The following ZFPM2 variants were observed in gnomAD, a reference collection of about 807,000 sequenced individuals.
The protein encoded by ZFPM2 is zinc finger protein, FOG family member 2.
A neutral mutation model predicts 98.6 loss-of-function variants in ZFPM2; 20 were observed. That is an observed-to-expected ratio of 0.20 (90% CI 0.14 to 0.29). The LOEUF (loss-of-function observed/expected upper bound fraction) is 0.29, where lower values mean the gene tolerates loss of function less well. Among genes scored for constraint, ZFPM2 ranks in the 10% least tolerant of loss-of-function variants. The probability of loss-of-function intolerance (pLI) is 1.00; values close to 1 mark genes in which losing one functional copy is unlikely to be tolerated. For synonymous variants in ZFPM2, 518 were observed against 502.7 expected, an observed-to-expected ratio of 1.03 and a Z score of -0.41; for missense variants, 1,310 against 1,388.6, an observed-to-expected ratio of 0.94 and a Z score of 0.90.
intron 5 of ZFPM2, among the ~76,000 whole-genome samples, chr8:105,659,878 GT>G (rs977637678): frequency 3.3e-5 from 5 of 152,038 alleles, no homozygotes; most frequent in African/African-American, 1.2e-4. Context: ...ATAAATAATA[GT>G]TTTTTTCAAA....
At chr8:105,369,099 G>A (rs978685801) in intron 1 of ZFPM2, among the ~76,000 whole-genome samples, 2 of 152,036 alleles carry the variant, frequency 1.3e-5, no homozygotes. Context: ...CACACATGAA[G>A]GAGCCCATTA....
intron 1 of ZFPM2, among the ~76,000 whole-genome samples, chr8:105,376,237 A>G (rs1810722831): frequency 1.3e-5 from 2 of 152,106 alleles, no homozygotes; most frequent in South Asian, 2.1e-4. Context: ...GTTTGGTGAC[A>G]TCACACTCTC....
chr8:105,714,259 C>A (rs1397584091), intron 5 of ZFPM2, among the ~76,000 whole-genome samples: 4 of 151,968 alleles, frequency 2.6e-5, no homozygotes. Context: ...TGATTTGGCT[C>A]TCAGCTTGAA....
intron 3 of ZFPM2, among the ~76,000 whole-genome samples, chr8:105,544,488 T>C (rs776875738): frequency 6.6e-6 from 1 of 152,216 alleles, no homozygotes; most frequent in Non-Finnish European, 1.5e-5. Flanking sequence ...TTTATATTAT[T>C]CTCTTGCTTC....
rs1227367033 is a variant in ZFPM2, at chr8:105,735,100, T to G, written c.533-53618T>G. Among the ~76,000 whole-genome samples, 19 of 147,660 alleles carry G rather than the reference T, an allele frequency of 1.3e-4. No individual in the cohort carries two copies. In the Admixed American group the frequency reaches 1.3e-3, roughly 10 times the overall value. On this transcript the variant is annotated intron_variant, in intron 5 of 7. Transcript: ENST00000407775. Reference sequence around the variant, plus strand: ...CACCAACCTAATATATACACATATATTATATATATAAATTATATATATATA... The same window carrying G: ...CACCAACCTAATATATACACATATAGTATATATATAAATTATATATATATA...
Position 105,803,594 on chromosome 8 carries a change from G to T in ZFPM2, c.*56G>T, listed in dbSNP as rs903857145. On this transcript the variant is annotated 3_prime_UTR_variant, in exon 8 of 8. Transcript: ENST00000407775. ...AGTGTTTAGTATGTTGTTCTAACCA[G>T]TCCAGAAAAAAAAATAAGCTGTTTG... is the stretch of plus-strand genomic sequence containing the variant. 6.6e-7 allele frequency: 1 copy of T among 1,506,692 alleles called. No individual in the cohort carries two copies. The highest frequency in any genetic ancestry group is 2.0e-5 in the Admixed American group (1 of 49,528). 93.3% of individuals were successfully genotyped at this position (1,506,692 alleles called of 1,614,324 possible). A position where few individuals can be genotyped will look rare whatever the true frequency, so the allele number is the denominator to read the frequency against.
intron 5 of ZFPM2, among the ~76,000 whole-genome samples, chr8:105,695,120 T>G (rs1393342152): frequency 6.6e-6 from 1 of 152,168 alleles, no homozygotes; most frequent in Non-Finnish European, 1.5e-5. Flanking sequence ...ATTGCCATAC[T>G]TTATAAATGT....
In ZFPM2 at chr8:105,435,209, G is replaced by A. The variant is rs77926540; in HGVS notation, c.200-9071G>A. ...AAAAATGGAAAGGCCCACAAAATAC[G>A]TATGATATCTTTTAAAAGAGTAACA... On this transcript the variant is annotated intron_variant, in intron 2 of 7. Transcript: ENST00000407775. Among the ~76,000 whole-genome samples the A allele has an allele frequency of 3.7e-3, 564 of 152,204 alleles. 8 individuals are homozygous for A. Among genetic ancestry groups the A allele is most frequent in the African/African-American group, 0.013 (521 of 41,538 alleles).
At chr8:105,661,808 T>C (rs1817394236) in intron 5 of ZFPM2, among the ~76,000 whole-genome samples, 1 of 152,134 alleles carries the variant, frequency 6.6e-6, no homozygotes, top group East Asian at 1.9e-4. Flanking sequence ...GTCATCACGC[T>C]TGAAGAATTT....
intron 3 of ZFPM2, among the ~76,000 whole-genome samples, chr8:105,518,295 T>G (rs4734119): frequency 0.39 from 58,706 of 152,032 alleles, 13,664 homozygotes; most frequent in African/African-American, 0.66. Context: ...TGCAATTTCC[T>G]TGTGCTTGGT....
intron 3 of ZFPM2, among the ~76,000 whole-genome samples, chr8:105,506,874 G>A (rs1375051230): frequency 6.6e-6 from 1 of 150,462 alleles, no homozygotes; most frequent in Non-Finnish European, 1.5e-5. Context: ...TGTAGTCCCA[G>A]CTAGTTGGGA....
At chr8:105,552,023 C>T (rs1229155137) in intron 3 of ZFPM2, among the ~76,000 whole-genome samples, 1 of 152,094 alleles carries the variant, frequency 6.6e-6, no homozygotes, top group Non-Finnish European at 1.5e-5. Context: ...TAACAGACTA[C>T]GTGTTGACTA....
At chr8:105,767,990 T>C (rs1249572233) in intron 5 of ZFPM2, among the ~76,000 whole-genome samples, 1 of 151,876 alleles carries the variant, frequency 6.6e-6, no homozygotes, top group Non-Finnish European at 1.5e-5. Context: ...ATAATTTTGA[T>C]TGATCTTATA....
chr8:105,801,171 C>T lies in ZFPM2; in HGVS notation c.1089C>T (p.Phe363=). Reference sequence around the variant, plus strand: ...TCTCCCATCTCACTCAAGCTGCCTTCCGATGTAATCACTGCCATTTCGGCT... The same window carrying T: ...TCTCCCATCTCACTCAAGCTGCCTTTCGATGTAATCACTGCCATTTCGGCT... ...HLFSHLTQAA[F]RCNHCHFGFQ... Residue 363 remains phenylalanine (F), a synonymous_variant, in exon 8 of 8, where the codon TTC becomes TTT. Transcript: ENST00000407775. 2 of 1,613,988 alleles carry T rather than the reference C, an allele frequency of 1.2e-6. No homozygotes were observed. The highest frequency in any genetic ancestry group is 1.7e-6 in the Non-Finnish European group (2 of 1,179,880).
intron 3 of ZFPM2, among the ~76,000 whole-genome samples, chr8:105,558,794 A>G (rs1379959048): frequency 6.6e-6 from 1 of 151,056 alleles, no homozygotes; most frequent in South Asian, 2.1e-4. Context: ...TAAAAAAGCA[A>G]ATTATTTGGG....
At chr8:105,676,039 A>G (rs568177807) in intron 5 of ZFPM2, 1 of 152,162 alleles carries the variant, frequency 6.6e-6, no homozygotes, top group South Asian at 2.1e-4. Context: ...AATCTTACAG[A>G]TGTCTAAATT....
At position 105,447,049 on chromosome 8, in the gene ZFPM2, G is replaced by T. The variant is rs575607316; in HGVS notation, c.301+2668G>T. ...TCCAACTGTAGTCAGAGAGAAAATT[G>T]TGCAACTTTTAGTGACAGTTTCCAA... is the stretch of plus-strand genomic sequence containing the variant. On this transcript the variant is annotated intron_variant, in intron 3 of 7. Coordinates refer to ENST00000407775, the MANE Select transcript of ZFPM2 (RefSeq NM_012082.4). Among the ~76,000 whole-genome samples, 44 of 152,106 alleles carry T rather than the reference G, an allele frequency of 2.9e-4. 1 individual carries two copies. In the Middle Eastern group the frequency reaches 0.024, roughly 82 times the overall value.
rs190711210 is a variant in ZFPM2 at position 105,650,649 on chromosome 8, A to G, written c.532+16292A>G. On this transcript the variant is annotated intron_variant, in intron 5 of 7. Coordinates refer to ENST00000407775, the MANE Select transcript of ZFPM2 (RefSeq NM_012082.4). ...TTTGTTATGTACCCAGTAGTCATTC[A>G]GGAGCAGGTTGTTCAGTTTCCGTGT... Among the ~76,000 whole-genome samples the G allele has an allele frequency of 2.2e-3, 328 of 152,334 alleles. 1 individual carries two copies. Among genetic ancestry groups the G allele is most frequent in the Admixed American group, 6.3e-3 (97 of 15,300 alleles).
At chr8:105,626,776 T>C (rs1816663384) in intron 4 of ZFPM2, among the ~76,000 whole-genome samples, 1 of 152,216 alleles carries the variant, frequency 6.6e-6, no homozygotes, top group Admixed American at 6.5e-5. Context: ...CCTCAGTGCT[T>C]TTGATCTGTT....
Sources: gnomAD v4.1 joint callset for allele counts (sites outside exome capture counted in the v4.1 genomes callset) on GRCh38, gnomAD v4.1.1 for gene constraint, MANE v1.5 for transcripts, NCBI Gene and HGNC (gene_info 2026-07-23, HGNC 2026-07-21) for gene names.